PKD1L1: variants seen among roughly 807,000 people sequenced by gnomAD.
The protein encoded by PKD1L1 is polycystin-1-like protein 1.
Under a neutral mutation model 323.4 loss-of-function variants are expected in PKD1L1, and 236 were observed. The ratio of observed to expected loss-of-function variants is 0.73; its 90% CI spans 0.66 to 0.81. The LOEUF (loss-of-function observed/expected upper bound fraction) is 0.81, where lower values mean the gene tolerates loss of function less well. PKD1L1 is among the 40% of genes least tolerant of loss of function. The probability of loss-of-function intolerance (pLI) is 0.00; values close to 1 mark genes in which losing one functional copy is unlikely to be tolerated. For synonymous variants in PKD1L1, 1,344 were observed against 1,335.0 expected, an observed-to-expected ratio of 1.01 and a Z score of -0.15; for missense variants, 3,320 against 3,508.0, an observed-to-expected ratio of 0.95 and a Z score of 1.35.
Position 47,840,620 on chromosome 7 carries a change from T to A in PKD1L1, c.5446-53A>T. 2.2e-6 allele frequency: 3 copies of A among 1,370,186 alleles called. No individual in the cohort carries two copies. Among genetic ancestry groups the A allele is most frequent in the Non-Finnish European group, 3.1e-6 (3 of 962,524 alleles). 84.9% of individuals were successfully genotyped at this position (1,370,186 alleles called of 1,614,324 possible). A position where few individuals can be genotyped will look rare whatever the true frequency, so the allele number is the denominator to read the frequency against. Reference sequence around the variant, plus strand: ...TCAGGCTATTTCACAGCAGACACCATGCAATGCTGGGCAGGGCTTCCTCGC... The same window carrying A: ...TCAGGCTATTTCACAGCAGACACCAAGCAATGCTGGGCAGGGCTTCCTCGC... On this transcript the variant is annotated intron_variant, in intron 34 of 56. Coordinates refer to ENST00000289672, the MANE Select transcript of PKD1L1 (RefSeq NM_138295.5). This position sits in a 1 kb window ranked among gnomAD's most constrained non-coding sequence, Gnocchi z 4.1.
Position 47,775,722 on chromosome 7 carries a change from A to T in PKD1L1, c.8527-556T>A, listed in dbSNP as rs569013122. Reference sequence around the variant, plus strand: ...CTTAGCTCTTATGTGAAAGACTATAAAAAGAAAAACAACTTAAACTCAAAG... The same window carrying T: ...CTTAGCTCTTATGTGAAAGACTATATAAAGAAAAACAACTTAAACTCAAAG... On this transcript the variant is annotated intron_variant, in intron 56 of 56. Coordinates refer to ENST00000289672, the MANE Select transcript of PKD1L1 (RefSeq NM_138295.5). 2.6e-3 allele frequency among the ~76,000 whole-genome samples: 396 copies of T among 152,244 alleles called. 5 individuals are homozygous for T. The highest frequency in any genetic ancestry group is 9.2e-3 in the African/African-American group (384 of 41,578).
At chr7:47,887,046 GTA>G (rs34599494) in intron 17 of PKD1L1, among the ~76,000 whole-genome samples, 49,905 of 151,944 alleles carry the variant, frequency 0.33, 8,681 homozygotes, top group East Asian at 0.55. Flanking sequence ...TCTAACCACT[GTA>G]TGTGTTTCCA....
rs1284877010 is a variant in PKD1L1 at position 47,940,260 on chromosome 7, C to T, written c.218G>A (p.Cys73Tyr). Residue 73 changes from cysteine (C) to tyrosine (Y), a missense_variant, in exon 3 of 57, where the codon TGT (cysteine) becomes TAT (tyrosine). Cys to Tyr is a radical substitution (Grantham distance 194). Transcript: ENST00000289672. Reference protein sequence around the residue: ...MSDGKCGCPWCALNGKAEDRE... With the variant: ...MSDGKCGCPWYALNGKAEDRE... Reference sequence around the variant, plus strand: ...GTCTTCTGCCTTTCCATTCAGAGCACACCAAGGACAGCCACACTTCCCATC... The same window carrying T: ...GTCTTCTGCCTTTCCATTCAGAGCATACCAAGGACAGCCACACTTCCCATC... The T allele has an allele frequency of 1.2e-6, 2 of 1,613,972 alleles. No homozygotes were observed. Among genetic ancestry groups the T allele is most frequent in the African/African-American group, 2.7e-5 (2 of 74,978 alleles).
At chr7:47,923,294 TC>T (rs1787592428) in intron 7 of PKD1L1, among the ~76,000 whole-genome samples, 1 of 124,814 alleles carries the variant, frequency 8.0e-6, no homozygotes, top group African/African-American at 3.2e-5. Context: ...CCCTGCCAAA[TC>T]CCCGTCTCCG....
chr7:47,873,754 A>C, intron 24 of PKD1L1, 145 bp downstream of exon 24: 1 of 568,080 alleles, frequency 1.8e-6, no homozygotes, highest in Non-Finnish European at 3.1e-6. Flanking sequence ...TTGCAGTGAT[A>C]GCACCCGGAC....
At chr7:47,896,738 T>C (rs1786944894) in intron 14 of PKD1L1, among the ~76,000 whole-genome samples, 1 of 152,134 alleles carries the variant, frequency 6.6e-6, no homozygotes, top group East Asian at 1.9e-4. Context: ...GTATTACAGA[T>C]TTTCCTTTGC....
Position 47,839,496 on chromosome 7 carries a change from G to A in PKD1L1, c.5719C>T (p.Arg1907Cys), listed in dbSNP as rs764393894. ...AGACAGGTGAGCTCCCGCTCCACGC[G>A]ACCATCATGCCTGCCGGCAGACAGC... The part of the protein sequence containing the change: ...CWLSAGRHDG[R>C]VERELTCLQG... Residue 1907 changes from arginine to cysteine, a missense_variant, in exon 36 of 57, where the codon CGC becomes TGC. Transcript: ENST00000289672. The surrounding 1 kb of genome is among the most constrained non-coding windows in gnomAD (Gnocchi z 4.3). 17 of 1,612,284 alleles carry A rather than the reference G, an allele frequency of 1.1e-5. No individual in the cohort carries two copies. The highest frequency in any genetic ancestry group is 2.7e-5 in the African/African-American group (2 of 74,920).
At chr7:47,797,419 G>A (rs1252616725) in intron 54 of PKD1L1, among the ~76,000 whole-genome samples, 2 of 152,226 alleles carry the variant, frequency 1.3e-5, no homozygotes, top group Middle Eastern at 3.4e-3. Flanking sequence ...CAAATCCCTC[G>A]AACCCCTCAC....
rs752039262 is a variant in PKD1L1 at position 47,829,993 on chromosome 7, G to A, written c.6558+47C>T. 7.2e-6 allele frequency: 11 copies of A among 1,537,420 alleles called. No homozygotes were observed. In the East Asian group the frequency reaches 1.8e-4, roughly 25 times the overall value. ...GCCTCTATTTCCCCTTCCCATCTAG[G>A]TCCCCTGCTGATGGAAGGCACTTCT... On this transcript the variant is annotated intron_variant, in intron 43 of 56. Coordinates refer to ENST00000289672, the MANE Select transcript of PKD1L1 (RefSeq NM_138295.5).
intron 50 of PKD1L1, among the ~76,000 whole-genome samples, chr7:47,810,882 G>A (rs1784877539): frequency 6.6e-6 from 1 of 152,194 alleles, no homozygotes; most frequent in African/African-American, 2.4e-5. Flanking sequence ...CTAACTCCTA[G>A]TGTGGATATA....
chr7:47,851,033 G>C (rs1785771156), intron 31 of PKD1L1, among the ~76,000 whole-genome samples: 1 of 152,134 alleles, frequency 6.6e-6, no homozygotes, highest in East Asian at 1.9e-4. Context: ...AAAGTAATAA[G>C]GAACCCTGGG....
intron 20 of PKD1L1, 118 bp from the exon 21 acceptor site, chr7:47,880,923 CT>C: frequency 1.5e-6 from 1 of 659,728 alleles, no homozygotes; most frequent in Non-Finnish European, 2.4e-6. Flanking sequence ...AACATAGATA[CT>C]AGTGAAACAT....
chr7:47,841,351 T>G (rs2128738165), intron 34 of PKD1L1, among the ~76,000 whole-genome samples: 1 of 152,320 alleles, frequency 6.6e-6, no homozygotes, highest in African/African-American at 2.4e-5. Flanking sequence ...TCTCCCGAGG[T>G]CATGACACGA....
At chr7:47,882,191 G>C in intron 19 of PKD1L1, 106 bp from the exon 20 acceptor site, 1 of 1,120,560 alleles carries the variant, frequency 8.9e-7, no homozygotes, top group Non-Finnish European at 1.3e-6. Flanking sequence ...TACTATTGCT[G>C]GATACCGCCT....
chr7:47,895,762 T>G (rs1244338592), intron 14 of PKD1L1, among the ~76,000 whole-genome samples: 1 of 152,204 alleles, frequency 6.6e-6, no homozygotes, highest in Non-Finnish European at 1.5e-5. Context: ...CGGTTGGTGT[T>G]TTTTATTAGG....
chr7:47,811,689 CAA>C (rs1030718105), intron 50 of PKD1L1, 126 bp downstream of exon 50: 3 of 724,272 alleles, frequency 4.1e-6, no homozygotes, highest in East Asian at 5.4e-5. Flanking sequence ...GGGGATGTGA[CAA>C]AGAGTGTGAC....
intron 24 of PKD1L1, among the ~76,000 whole-genome samples, chr7:47,868,326 G>A (rs1459145952): frequency 6.6e-6 from 1 of 152,066 alleles, no homozygotes; most frequent in Non-Finnish European, 1.5e-5. Context: ...CCAAGATTGT[G>A]CCATTGCACT....
At chr7:47,783,585 C>T (rs1786743367) in intron 56 of PKD1L1, among the ~76,000 whole-genome samples, 1 of 152,148 alleles carries the variant, frequency 6.6e-6, no homozygotes, top group African/African-American at 2.4e-5. Context: ...AGGGTCGGTC[C>T]TAATCCAATA....
At chr7:47,851,685 A>T (rs1252815679) in intron 31 of PKD1L1, among the ~76,000 whole-genome samples, 1 of 152,188 alleles carries the variant, frequency 6.6e-6, no homozygotes, top group Non-Finnish European at 1.5e-5. Context: ...TTCTTTCCCC[A>T]AGCAAATTAC....
Sources: allele counts gnomAD v4.1 joint callset (sites outside exome capture counted in the v4.1 genomes callset), GRCh38; gene constraint gnomAD v4.1.1; non-coding constraint Gnocchi (gnomAD v3.1); transcripts MANE v1.5; gene names NCBI Gene and HGNC (gene_info 2026-07-23, HGNC 2026-07-21).